The following ITSN1 variants were observed in gnomAD, a reference collection of about 807,000 sequenced individuals.
The protein encoded by ITSN1 is intersectin 1.
In ITSN1, 58 loss-of-function variants were observed where a neutral mutation model predicts 239.8. The ratio of observed to expected loss-of-function variants is 0.24; its 90% CI spans 0.20 to 0.30. ITSN1 has a LOEUF of 0.30. ITSN1 is among the 10% of genes least tolerant of loss of function. The pLI is 1.00. For synonymous variants in ITSN1, 780 were observed against 770.8 expected, an observed-to-expected ratio of 1.01 and a Z score of -0.20; for missense variants, 1,558 against 2,103.3, an observed-to-expected ratio of 0.74 and a Z score of 5.07.
At chr21:33,841,429 C>A (rs868573144) in intron 29 of ITSN1, among the ~76,000 whole-genome samples, 1 of 152,154 alleles carries the variant, frequency 6.6e-6, no homozygotes, top group Non-Finnish European at 1.5e-5. Context: ...TGAAATCAAC[C>A]GGTGACTATA....
At chr21:33,729,750 A>AATAGTAAAT (rs2066052076) in intron 4 of ITSN1, among the ~76,000 whole-genome samples, 1 of 152,220 alleles carries the variant, frequency 6.6e-6, no homozygotes, top group African/African-American at 2.4e-5. Flanking sequence ...TAAATCAGTA[A>AATAGTAAAT]AGTGCTCAGT....
At chr21:33,669,436 A>T (rs961488340) in intron 1 of ITSN1, among the ~76,000 whole-genome samples, 31 of 143,676 alleles carry the variant, frequency 2.2e-4, no homozygotes, top group African/African-American at 7.7e-4. Context: ...TACTTTTTTC[A>T]TTTAAGTTTT....
intron 26 of ITSN1, among the ~76,000 whole-genome samples, chr21:33,828,535 T>C (rs1037045153): frequency 1.3e-5 from 2 of 152,256 alleles, no homozygotes; most frequent in East Asian, 3.8e-4. Context: ...GTCTTACTTG[T>C]TCCCTGGAGT....
At chr21:33,655,016 CTT>C (rs1019859591) in intron 1 of ITSN1, among the ~76,000 whole-genome samples, 1 of 145,394 alleles carries the variant, frequency 6.9e-6, no homozygotes, top group Non-Finnish European at 1.5e-5. Context: ...TACCTTGTCT[CTT>C]TTTTTTTTTC....
chr21:33,722,568 T>C lies in ITSN1; in HGVS notation c.122-20T>C, dbSNP rs771947751. 2.6e-6 allele frequency: 4 copies of C among 1,522,742 alleles called. No homozygotes were observed. The South Asian group carries it at 5.2e-5, about 20-fold the overall frequency. The allele number at this position is 1,522,742 out of a possible 1,614,324, so 94.3% of individuals were successfully genotyped here. On this transcript the variant is annotated intron_variant, in intron 3 of 39. Coordinates refer to ENST00000381318, the MANE Select transcript of ITSN1 (RefSeq NM_003024.3). ...TGTTTTTTTTTTTTTTTCCTGAAAC[T>C]TTTTCTGTTTAATTTACAGGTGATC... is the stretch of plus-strand genomic sequence containing the variant.
At chr21:33,772,035 A>G in intron 11 of ITSN1, 26 bp from the exon 12 acceptor site, 2 of 1,603,434 alleles carry the variant, frequency 1.2e-6, no homozygotes, top group Non-Finnish European at 8.5e-7. Flanking sequence ...TTGAGTTTTC[A>G]TAGTTGCTGT....
At chr21:33,690,775 GTATATATATATATACA>G (rs1189610091) in intron 1 of ITSN1, among the ~76,000 whole-genome samples, 2 of 21,610 alleles carry the variant, frequency 9.3e-5, no homozygotes, top group Non-Finnish European at 1.9e-4. Context: ...AAAAAAAAGT[GTATATATATATATACA>G]TATATATATA....
In ITSN1 at chr21:33,841,707, G is replaced by A. The variant is rs16990940; in HGVS notation, c.3661+5075G>A. On this transcript the variant is annotated intron_variant, in intron 29 of 39. Coordinates refer to ENST00000381318, the MANE Select transcript of ITSN1 (RefSeq NM_003024.3). Reference sequence around the variant, plus strand: ...AGTTGGGCAACGGGCACAGCAAATCGCAGTCCTGCTTCATTAATCCTATTC... The same window carrying A: ...AGTTGGGCAACGGGCACAGCAAATCACAGTCCTGCTTCATTAATCCTATTC... 7.8e-3 allele frequency among the ~76,000 whole-genome samples: 1,183 copies of A among 152,306 alleles called. 44 individuals carry two copies. The highest frequency in any genetic ancestry group is 0.057 in the Admixed American group (868 of 15,300).
At chr21:33,885,998 G>A (rs1985734202) in intron 38 of ITSN1, among the ~76,000 whole-genome samples, 1 of 152,100 alleles carries the variant, frequency 6.6e-6, no homozygotes, top group Admixed American at 6.5e-5. Flanking sequence ...CCTGAGGTCA[G>A]GAGTTTGAGA....
intron 12 of ITSN1, 36 bp from the exon 13 acceptor site, chr21:33,774,693 T>C: frequency 1.3e-6 from 2 of 1,598,536 alleles, no homozygotes; most frequent in Non-Finnish European, 1.7e-6. Context: ...GTGTAAGAAC[T>C]GAAAAATTAG....
rs201793035 is a variant in ITSN1 at position 33,781,976 on chromosome 21, G to A, written c.1685-18G>A. ...AAATTAAAGTTTTTCTTATCTTTGCGACGTTTTTCTAAAATAGGAGATTCA... is the reference window on the plus strand; with the variant it reads ...AAATTAAAGTTTTTCTTATCTTTGCAACGTTTTTCTAAAATAGGAGATTCA... On this transcript the variant is annotated intron_variant, in intron 15 of 39. Coordinates refer to ENST00000381318, the MANE Select transcript of ITSN1 (RefSeq NM_003024.3). 3.0e-5 allele frequency: 47 copies of A among 1,569,716 alleles called. No individual in the cohort carries two copies. The highest frequency in any genetic ancestry group is 3.6e-5 in the Non-Finnish European group (42 of 1,163,080).
intron 5 of ITSN1, chr21:33,735,409 A>C: frequency 1.6e-6 from 1 of 643,300 alleles, no homozygotes; most frequent in East Asian, 3.1e-5. Context: ...AGTAATCAAA[A>C]TGAAAGCAGA....
chr21:33,771,785 G>C lies in ITSN1; in HGVS notation c.1043-276G>C, dbSNP rs920218100. Among the ~76,000 whole-genome samples, 3 of 152,298 alleles carry C rather than the reference G, an allele frequency of 2.0e-5. 1 individual carries two copies. In the South Asian group the frequency reaches 6.2e-4, roughly 32 times the overall value. On this transcript the variant is annotated intron_variant, in intron 11 of 39. Coordinates refer to ENST00000381318, the MANE Select transcript of ITSN1 (RefSeq NM_003024.3). ...GGCAAGCTCATGGGAAGAAGGGAAAGGATGGAGTAACAGGGAAGGAAAGGA... is the reference window on the plus strand; with the variant it reads ...GGCAAGCTCATGGGAAGAAGGGAAACGATGGAGTAACAGGGAAGGAAAGGA...
intron 5 of ITSN1, among the ~76,000 whole-genome samples, chr21:33,745,148 C>T (rs967230711): frequency 3.3e-5 from 5 of 152,174 alleles, no homozygotes; most frequent in African/African-American, 1.2e-4. Context: ...TGTGTGTTTC[C>T]TGTAGTCTTG....
At chr21:33,785,202 G>A (rs1298560550) in intron 16 of ITSN1, among the ~76,000 whole-genome samples, 5 of 152,126 alleles carry the variant, frequency 3.3e-5, no homozygotes, top group African/African-American at 7.2e-5. Context: ...AGTTGATCAG[G>A]ATACTAAATC....
intron 1 of ITSN1, among the ~76,000 whole-genome samples, chr21:33,712,467 G>A (rs2092442785): frequency 6.6e-6 from 1 of 152,176 alleles, no homozygotes; most frequent in Non-Finnish European, 1.5e-5. Flanking sequence ...AGCCTGCCGT[G>A]CATATCCATA....
chr21:33,847,184 C>T (rs994403205), intron 29 of ITSN1, among the ~76,000 whole-genome samples: 6 of 152,188 alleles, frequency 3.9e-5, no homozygotes, highest in Non-Finnish European at 8.8e-5. Context: ...GTCCACCTGC[C>T]CCTCTGGACA....
At chr21:33,733,445 G>A (rs2066309720) in intron 4 of ITSN1, among the ~76,000 whole-genome samples, 1 of 151,668 alleles carries the variant, frequency 6.6e-6, no homozygotes, top group South Asian at 2.1e-4. Context: ...AGAAAATCAA[G>A]GACTAACAAC....
At chr21:33,830,910 G>A (rs914181286) in intron 27 of ITSN1, among the ~76,000 whole-genome samples, 1 of 140,474 alleles carries the variant, frequency 7.1e-6, no homozygotes, top group African/African-American at 2.5e-5. Flanking sequence ...GGGGGGGGAG[G>A]GAGGGAGAAC....
Sources: allele counts gnomAD v4.1 joint callset (sites outside exome capture counted in the v4.1 genomes callset), GRCh38; gene constraint gnomAD v4.1.1; transcripts MANE v1.5; gene names NCBI Gene and HGNC (gene_info 2026-07-23, HGNC 2026-07-21).